EZR: variants seen among roughly 807,000 people sequenced by gnomAD.
EZR encodes cytovillin 2.
A neutral mutation model predicts 74.8 loss-of-function variants in EZR; 40 were observed. The ratio of observed to expected loss-of-function variants is 0.53; its 90% CI spans 0.42 to 0.70. EZR has a LOEUF of 0.70. EZR is among the 30% of genes least tolerant of loss of function. The probability of loss-of-function intolerance (pLI) is 0.00; values close to 1 mark genes in which losing one functional copy is unlikely to be tolerated. For missense variants in EZR, 678 were observed against 755.8 expected (o/e 0.90, Z 1.21); for synonymous variants, 341 against 283.3 (o/e 1.20, Z -2.05).
Position 158,787,255 on chromosome 6 carries a change from G to T in EZR, c.97-52C>A, listed in dbSNP as rs555267327. 3.1e-4 allele frequency: 456 copies of T among 1,489,716 alleles called. 6 individuals carry two copies. In the Admixed American group the frequency reaches 7.5e-3, roughly 25 times the overall value. 92.3% of individuals were successfully genotyped at this position (1,489,716 alleles called of 1,614,324 possible). A position where few individuals can be genotyped will look rare whatever the true frequency, so the allele number is the denominator to read the frequency against. ...ACTCATGAGAAACTCACTCAAAAGG[G>T]CAACAGCTTTTGGCTGTCGTTCATC... is the stretch of plus-strand genomic sequence containing the variant. On this transcript the variant is annotated intron_variant, in intron 3 of 13. Transcript: ENST00000367075.
intron 7 of EZR, among the ~76,000 whole-genome samples, chr6:158,777,921 A>T (rs898048940): frequency 1.3e-5 from 2 of 152,176 alleles, no homozygotes; most frequent in African/African-American, 4.8e-5. Flanking sequence ...ATTAAAAAAA[A>T]ACACACCTGG....
At chr6:158,796,649 G>A (rs574258151) in intron 2 of EZR, among the ~76,000 whole-genome samples, 26 of 106,866 alleles carry the variant, frequency 2.4e-4, no homozygotes, top group Admixed American at 5.6e-4. Flanking sequence ...GGGATATGCT[G>A]TGGGGGCAGT....
At chr6:158,817,535 C>T (rs980725326) in intron 2 of EZR, among the ~76,000 whole-genome samples, 1 of 152,228 alleles carries the variant, frequency 6.6e-6, no homozygotes, top group East Asian at 1.9e-4. Flanking sequence ...TCTGCTGCAG[C>T]CAGCAAGTTT....
chr6:158,803,566 T>TAAAAA (rs1562504415), intron 2 of EZR, among the ~76,000 whole-genome samples: 1 of 5,230 alleles, frequency 1.9e-4, no homozygotes, highest in African/African-American at 8.2e-4. Flanking sequence ...TATATATATA[T>TAAAAA]ATATATATAT....
At chr6:158,807,144 C>T (rs2128575889) in intron 2 of EZR, among the ~76,000 whole-genome samples, 1 of 152,078 alleles carries the variant, frequency 6.6e-6, no homozygotes, top group Middle Eastern at 3.4e-3. Flanking sequence ...AACCCCGTCT[C>T]TACTAAAAAA....
intron 2 of EZR, among the ~76,000 whole-genome samples, chr6:158,811,083 A>G (rs1777442152): frequency 6.6e-6 from 1 of 152,248 alleles, no homozygotes. Flanking sequence ...ATTATAGCAC[A>G]AGGGTTTTGT....
chr6:158,812,833 C>T (rs748690322), intron 2 of EZR, among the ~76,000 whole-genome samples: 44 of 152,134 alleles, frequency 2.9e-4, no homozygotes, highest in Non-Finnish European at 2.6e-4. Flanking sequence ...AAGTCAGCCT[C>T]GACACCACCC....
chr6:158,774,026 G>T (rs1276501912), intron 8 of EZR, among the ~76,000 whole-genome samples: 1 of 152,222 alleles, frequency 6.6e-6, no homozygotes, highest in East Asian at 1.9e-4. Flanking sequence ...GTTGTTGGGT[G>T]AGAACTGGAC....
chr6:158,782,941 C>T (rs544224172), intron 7 of EZR, among the ~76,000 whole-genome samples: 33 of 152,332 alleles, frequency 2.2e-4, no homozygotes, highest in African/African-American at 7.9e-4. Flanking sequence ...AACTGCCTGT[C>T]CCTGTGGAGA....
chr6:158,811,875 C>CAAAAA (rs58499377), intron 2 of EZR, among the ~76,000 whole-genome samples: 71,158 of 139,468 alleles, frequency 0.51, 18,450 homozygotes, highest in Non-Finnish European at 0.6. Context: ...ACCCTGTTTC[C>CAAAAA]AAAAAAAAAA....
chr6:158,785,673 G>A (rs1294628684), intron 4 of EZR, 90 bp from the exon 5 acceptor site: 1 of 1,470,148 alleles, frequency 6.8e-7, no homozygotes, highest in African/African-American at 1.4e-5. Context: ...ACTCAATGGG[G>A]CCCTCAAGCC....
In EZR at chr6:158,803,596, T is replaced by C. The variant is rs1263676180; in HGVS notation, c.13-14225A>G. On this transcript the variant is annotated intron_variant, in intron 2 of 13. Transcript: ENST00000367075. Reference sequence around the variant, plus strand: ...ATATATATATACATATATATATATATATATATATACATATATATATATATA... The same window carrying C: ...ATATATATATACATATATATATATACATATATATACATATATATATATATA... 3.9e-3 allele frequency among the ~76,000 whole-genome samples: 55 copies of C among 13,984 alleles called. 3 individuals carry two copies. Among genetic ancestry groups the C allele is most frequent in the African/African-American group, 0.018 (47 of 2,664 alleles). 9.2% of individuals were successfully genotyped at this position (13,984 alleles called of 152,430 possible). A position where few individuals can be genotyped will look rare whatever the true frequency, so the allele number is the denominator to read the frequency against.
Position 158,789,272 on chromosome 6 carries a change from A to C in EZR, c.96+16T>G. 4 of 1,607,034 alleles carry C rather than the reference A, an allele frequency of 2.5e-6. No individual in the cohort carries two copies. In the South Asian group the frequency reaches 4.4e-5, roughly 18 times the overall value. ...TTTTTTGTAGGTGGAGTTAACTCTC[A>C]AGTTCAGAGACCAACCTGATCAAAA... On this transcript the variant is annotated intron_variant, in intron 3 of 13. Coordinates refer to ENST00000367075, the MANE Select transcript of EZR (RefSeq NM_001111077.2).
chr6:158,776,913 G>A (rs1791295644), intron 7 of EZR, among the ~76,000 whole-genome samples: 1 of 152,114 alleles, frequency 6.6e-6, no homozygotes, highest in African/African-American at 2.4e-5. Context: ...GCTGTGTGCT[G>A]GAGCAGCCCT....
intron 5 of EZR, 115 bp downstream of exon 5, chr6:158,785,194 G>T: frequency 7.7e-7 from 1 of 1,301,530 alleles, no homozygotes; most frequent in Non-Finnish European, 1.1e-6. Flanking sequence ...GCATGAAGGA[G>T]CACTTGACAC....
rs3212308 is a variant in EZR, at chr6:158,770,756, C to T, written c.1090+8G>A. 741,740 of 1,613,512 alleles carry T rather than the reference C, an allele frequency of 0.46. 177,659 individuals are homozygous for T. The highest frequency in any genetic ancestry group is 0.5 in the Non-Finnish European group (588,220 of 1,179,732). Reference sequence around the variant, plus strand: ...CCAGTGTAGAGTGCCAGCCCCAGGGCGCCTGACCTCTCTCTGCCTTCTTTG... The same window carrying T: ...CCAGTGTAGAGTGCCAGCCCCAGGGTGCCTGACCTCTCTCTGCCTTCTTTG... On this transcript the variant is annotated splice_region_variant and intron_variant, in intron 10 of 13. Coordinates refer to ENST00000367075, the MANE Select transcript of EZR (RefSeq NM_001111077.2).
chr6:158,781,966 C>G (rs1010312616), intron 7 of EZR, among the ~76,000 whole-genome samples: 1 of 151,904 alleles, frequency 6.6e-6, no homozygotes, highest in Non-Finnish European at 1.5e-5. Flanking sequence ...CGCCATGTTC[C>G]CCAGGCTGGG....
At position 158,767,034 on chromosome 6, in the gene EZR, C is replaced by T; in HGVS notation, c.1641G>A (p.Arg547=). ...CGTTGTGGATGATGTCATTGTGGGT[C>T]CTCTTATTCTCATCTCGGGCCTGGG... The part of the protein sequence containing the change: ...ELSQARDENK[R]THNDIIHNEN... Residue 547 remains arginine (R), a synonymous_variant, in exon 14 of 14, where the codon AGG becomes AGA. Transcript: ENST00000367075. The T allele has an allele frequency of 1.2e-6, 2 of 1,614,176 alleles. No individual in the cohort carries two copies. Among genetic ancestry groups the T allele is most frequent in the Non-Finnish European group, 1.7e-6 (2 of 1,180,022 alleles).
chr6:158,797,780 A>T (rs375838250), intron 2 of EZR, among the ~76,000 whole-genome samples: 1 of 152,248 alleles, frequency 6.6e-6, no homozygotes, highest in Non-Finnish European at 1.5e-5. Context: ...ACAAAACTGT[A>T]TATTTTTCCT....
Sources: allele counts gnomAD v4.1 joint callset (sites outside exome capture counted in the v4.1 genomes callset), GRCh38; gene constraint gnomAD v4.1.1; transcripts MANE v1.5; gene names NCBI Gene and HGNC (gene_info 2026-07-23, HGNC 2026-07-21).